Variants in SNTG1 observed in about 807,000 individuals in gnomAD.
SNTG1 encodes the protein syntrophin gamma 1.
SNTG1 carries 39 observed loss-of-function variants against 74.7 expected under a neutral mutation model. That is an observed-to-expected ratio of 0.52 (90% confidence interval 0.40 to 0.68). The LOEUF (loss-of-function observed/expected upper bound fraction) is 0.68, where lower values mean the gene tolerates loss of function less well. SNTG1 is among the 30% of genes least tolerant of loss of function. SNTG1 has a pLI of 0.00. For missense variants in SNTG1, 685 were observed against 609.5 expected, an observed-to-expected ratio of 1.12 and a Z score of -1.30; for synonymous variants, 254 against 217.1, an observed-to-expected ratio of 1.17 and a Z score of -1.49.
chr8:50,580,034 G>A (rs1303733774), intron 12 of SNTG1, among the ~76,000 whole-genome samples: 2 of 152,208 alleles, frequency 1.3e-5, no homozygotes, highest in African/African-American at 4.8e-5. Flanking sequence ...CAGCCAGGAG[G>A]GGAGCTATAC....
intron 1 of SNTG1, among the ~76,000 whole-genome samples, chr8:49,982,862 T>C (rs1349953878): frequency 1.3e-5 from 2 of 152,296 alleles, no homozygotes; most frequent in South Asian, 2.1e-4. Flanking sequence ...ACTTCAGAAT[T>C]AGTATTAAAT....
chr8:50,204,372 T>A (rs79259800), intron 2 of SNTG1, among the ~76,000 whole-genome samples: 2 of 152,110 alleles, frequency 1.3e-5, no homozygotes, highest in Non-Finnish European at 2.9e-5. Context: ...ATGTTCCAAG[T>A]AGATTATCTT....
At chr8:50,314,845 T>G (rs1161502882) in intron 2 of SNTG1, among the ~76,000 whole-genome samples, 1 of 149,826 alleles carries the variant, frequency 6.7e-6, no homozygotes, top group Non-Finnish European at 1.5e-5. Context: ...TATGCCTCTT[T>G]TGAGCACTTT....
chr8:50,542,764 T>A (rs2094357558), intron 11 of SNTG1, among the ~76,000 whole-genome samples: 1 of 152,198 alleles, frequency 6.6e-6, no homozygotes, highest in Non-Finnish European at 1.5e-5. Flanking sequence ...TGTTATTGCC[T>A]GTCTTTCATA....
intron 12 of SNTG1, among the ~76,000 whole-genome samples, chr8:50,579,655 A>T (rs1170697950): frequency 6.6e-6 from 1 of 151,886 alleles, no homozygotes; most frequent in Non-Finnish European, 1.5e-5. Flanking sequence ...GTATAATAAT[A>T]AAAAAAAGGG....
intron 2 of SNTG1, among the ~76,000 whole-genome samples, chr8:50,351,084 C>T (rs888141761): frequency 6.6e-6 from 1 of 152,210 alleles, no homozygotes; most frequent in African/African-American, 2.4e-5. Context: ...AGACCAAGAA[C>T]CCACCAATTC....
At chr8:50,487,194 G>T (rs1436068587) in intron 8 of SNTG1, among the ~76,000 whole-genome samples, 2 of 152,194 alleles carry the variant, frequency 1.3e-5, no homozygotes, top group Admixed American at 1.3e-4. Context: ...AACAACAGGT[G>T]CTGGAGAGGA....
intron 13 of SNTG1, among the ~76,000 whole-genome samples, chr8:50,603,569 A>T (rs1052220471): frequency 6.6e-6 from 1 of 151,982 alleles, no homozygotes; most frequent in Non-Finnish European, 1.5e-5. Context: ...CTTGATGCTT[A>T]TGGAGGTTTG....
In SNTG1 at chr8:50,363,109, T is replaced by C. The variant is rs371978415; in HGVS notation, c.-27-31103T>C. ...TTAAGGCTAAATAATGGTCTTTTTT[T>C]CAACCCCAGTGGTAAAGCCTAGAGA... On this transcript the variant is annotated intron_variant, in intron 2 of 18. Coordinates refer to ENST00000642720, the MANE Select transcript of SNTG1 (RefSeq NM_018967.5). 1.0e-3 allele frequency among the ~76,000 whole-genome samples: 155 copies of C among 152,304 alleles called. 1 individual carries two copies. The highest frequency in any genetic ancestry group is 3.3e-3 in the African/African-American group (137 of 41,578).
At chr8:50,490,665 TGCAGGG>T (rs1437552962) in intron 8 of SNTG1, 1 of 152,282 alleles carries the variant, frequency 6.6e-6, no homozygotes, top group East Asian at 1.9e-4. Flanking sequence ...TTGGAGGAAC[TGCAGGG>T]GCAGGGGCCC....
intron 9 of SNTG1, among the ~76,000 whole-genome samples, chr8:50,509,979 C>T (rs2094051774): frequency 6.6e-6 from 1 of 151,848 alleles, no homozygotes; most frequent in Non-Finnish European, 1.5e-5. Context: ...GAGAGAGCAT[C>T]CCTGTCTTGT....
chr8:49,955,677 T>C (rs372486146), intron 1 of SNTG1, among the ~76,000 whole-genome samples: 3 of 152,242 alleles, frequency 2.0e-5, no homozygotes, highest in African/African-American at 7.2e-5. Flanking sequence ...AATATTCGCA[T>C]TGGCAGTACT....
intron 17 of SNTG1, among the ~76,000 whole-genome samples, chr8:50,749,775 C>A (rs1585703554): frequency 6.6e-6 from 1 of 152,112 alleles, no homozygotes; most frequent in African/African-American, 2.4e-5. Context: ...ACTATTGACA[C>A]CCACTGCTTC....
At chr8:50,735,859 G>T (rs530144003) in intron 17 of SNTG1, among the ~76,000 whole-genome samples, 1 of 151,954 alleles carries the variant, frequency 6.6e-6, no homozygotes, top group Non-Finnish European at 1.5e-5. Context: ...AAATGTTAAG[G>T]GCAGCCAGAG....
intron 1 of SNTG1, among the ~76,000 whole-genome samples, chr8:50,128,338 C>T (rs972044531): frequency 3.9e-5 from 6 of 152,068 alleles, no homozygotes; most frequent in African/African-American, 1.4e-4. Context: ...TTTTGAGTGT[C>T]TCACTTGTAA....
At chr8:50,635,094 T>C (rs1321600367) in intron 13 of SNTG1, among the ~76,000 whole-genome samples, 1 of 152,072 alleles carries the variant, frequency 6.6e-6, no homozygotes, top group Non-Finnish European at 1.5e-5. Flanking sequence ...TAACGTCAGC[T>C]CAAACTCCCA....
chr8:50,120,601 A>G lies in SNTG1; in HGVS notation c.-102-51960A>G, dbSNP rs935788542. On this transcript the variant is annotated intron_variant, in intron 1 of 18. Transcript: ENST00000642720. ...CTACTACCACCACAAACTACTACTC[A>G]TTATTACTGCCATCTTTATACTACC... Among the ~76,000 whole-genome samples the G allele has an allele frequency of 5.0e-5, 7 of 140,876 alleles. 2 individuals carry two copies. Among genetic ancestry groups the G allele is most frequent in the Non-Finnish European group, 7.9e-5 (5 of 63,330 alleles). The allele number at this position is 140,876 out of a possible 152,430, so 92.4% of individuals were successfully genotyped here. A position where few individuals can be genotyped will look rare whatever the true frequency, so the allele number is the denominator to read the frequency against.
At chr8:50,650,336 C>A (rs2095137178) in intron 13 of SNTG1, among the ~76,000 whole-genome samples, 1 of 151,842 alleles carries the variant, frequency 6.6e-6, no homozygotes, top group African/African-American at 2.4e-5. Context: ...TAAATTTAGA[C>A]CTCATATAAA....
chr8:50,544,404 T>C (rs948273279), intron 11 of SNTG1, among the ~76,000 whole-genome samples: 3 of 152,130 alleles, frequency 2.0e-5, no homozygotes, highest in Non-Finnish European at 4.4e-5. Flanking sequence ...ATATTCTATT[T>C]TTAATCTTTC....
Sources: gnomAD v4.1 joint callset for allele counts (sites outside exome capture counted in the v4.1 genomes callset) on GRCh38, gnomAD v4.1.1 for gene constraint, MANE v1.5 for transcripts, NCBI Gene and HGNC (gene_info 2026-07-23, HGNC 2026-07-21) for gene names.